Variants in ANKRD24 observed in about 807,000 individuals in gnomAD.
ANKRD24 encodes the protein ankyrin repeat domain 24, also known as ankyrin repeat domain-containing protein 24.
In ANKRD24, 109 loss-of-function variants were observed where a neutral mutation model predicts 127.8. The observed-to-expected ratio is 0.85, with a 90% CI of 0.73 to 1.00. The LOEUF is 1.00. Ranked by LOEUF, ANKRD24 falls within the 50% of genes least tolerant of loss-of-function variation. ANKRD24 has a pLI of 0.00. For missense variants in ANKRD24, 1,648 were observed against 1,570.2 expected (o/e 1.05, Z -0.84); for synonymous variants, 743 against 671.1 (o/e 1.11, Z -1.66).
At position 4,222,710 on chromosome 19, in the gene ANKRD24, C is replaced by T. The variant is rs1970505804; in HGVS notation, c.3212C>T (p.Ala1071Val). 4 of 1,612,338 alleles carry T rather than the reference C, an allele frequency of 2.5e-6. No homozygotes were observed. Among genetic ancestry groups the T allele is most frequent in the South Asian group, 1.1e-5 (1 of 90,820 alleles). Residue 1071 changes from alanine (A) to valine (V), a missense_variant, in exon 20 of 22, where the codon GCC (alanine) becomes GTC (valine). By Grantham distance (64) the Ala-to-Val change is moderately conservative. Coordinates refer to ENST00000318934, the MANE Select transcript of ANKRD24 (RefSeq NM_001393985.1). ...AAAGAAGTCTTCAATCTTAAGGAAG[C>T]CTTGAAGGAGCAGCCGGCCGCCCTC... ...LSKEVFNLKE[A>V]LKEQPAALAT... is the part of the protein sequence containing the mutation.
intron 2 of ANKRD24, 124 bp downstream of exon 2, chr19:4,186,585 C>G (rs1469806546): frequency 1.7e-6 from 2 of 1,148,608 alleles, no homozygotes; most frequent in Non-Finnish European, 2.5e-6. Flanking sequence ...TCTCTGCTGC[C>G]CCCTAGCGTC....
At chr19:4,189,021 G>A (rs958184052) in intron 2 of ANKRD24, among the ~76,000 whole-genome samples, 1 of 150,118 alleles carries the variant, frequency 6.7e-6, no homozygotes, top group African/African-American at 2.5e-5. Flanking sequence ...TGTTGGTCAG[G>A]CTGGTCTCGA....
chr19:4,217,107 A>G lies in ANKRD24; in HGVS notation c.1947A>G (p.Glu649=). The change falls in exon 18 of 22, where the codon GAA becomes GAG. Residue 649 remains glutamate, a synonymous_variant. Coordinates refer to ENST00000318934, the MANE Select transcript of ANKRD24 (RefSeq NM_001393985.1). Reference sequence around the variant, plus strand: ...AGGCCACAAAAACAAAAGCAGAGGAAGCAGAAATGCAGGCCTACGGAGTGG... The same window carrying G: ...AGGCCACAAAAACAAAAGCAGAGGAGGCAGAAATGCAGGCCTACGGAGTGG... ...GVEATKTKAE[E]AEMQAYGVGA... 1.2e-6 allele frequency: 2 copies of G among 1,613,776 alleles called. No individual in the cohort carries two copies. Among genetic ancestry groups the G allele is most frequent in the South Asian group, 2.2e-5 (2 of 91,072 alleles).
chr19:4,200,529 TG>T (rs1212980371), intron 5 of ANKRD24, among the ~76,000 whole-genome samples: 2 of 151,692 alleles, frequency 1.3e-5, no homozygotes, highest in Admixed American at 6.6e-5. Context: ...TTTTCTTTTT[TG>T]GGGGGAGGGA....
intron 2 of ANKRD24, among the ~76,000 whole-genome samples, chr19:4,189,132 A>G (rs955983698): frequency 2.6e-5 from 4 of 151,160 alleles, no homozygotes; most frequent in Admixed American, 6.6e-5. Context: ...TTTTTAAACT[A>G]TTTATTAATT....
rs918436838 is a variant in ANKRD24 at position 4,198,271 on chromosome 19, C to T, written c.37-1412C>T. On this transcript the variant is annotated intron_variant, in intron 2 of 21. Coordinates refer to ENST00000318934, the MANE Select transcript of ANKRD24 (RefSeq NM_001393985.1). This position sits in a 1 kb window ranked among gnomAD's most constrained non-coding sequence, Gnocchi z 6.1. ...TCAGCCCCCAGCCCCCAGCCCCCTA[C>T]CTGGGTCTTCCCATTCCATCCCGTG... is the stretch of plus-strand genomic sequence containing the variant. The T allele has an allele frequency of 4.5e-6, 2 of 448,346 alleles. No homozygotes were observed. 27.8% of individuals were successfully genotyped at this position (448,346 alleles called of 1,614,324 possible). A position where few individuals can be genotyped will look rare whatever the true frequency, so the allele number is the denominator to read the frequency against.
chr19:4,217,036 C>T lies in ANKRD24; in HGVS notation c.1876C>T (p.Gln626Ter), dbSNP rs2145393325. 1 of 1,613,832 alleles carries T rather than the reference C, an allele frequency of 6.2e-7. No individual in the cohort carries two copies. Among genetic ancestry groups the T allele is most frequent in the Non-Finnish European group, 8.5e-7 (1 of 1,179,862 alleles). ...CATGGAAACTAAGCCCACAGGAGCT[C>T]AGGCCACAGACACAGAGACCACGGG... ...ANMETKPTGA[Q>*]ATDTETTGVE... Residue 626 changes from glutamine to a stop codon, truncating the protein, a stop_gained, in exon 18 of 22, where the codon CAG (glutamine) becomes TAG (stop). Transcript: ENST00000318934. LOFTEE classifies it high-confidence loss of function.
rs1970640257 is a variant in ANKRD24 at position 4,224,615 on chromosome 19, C to T, written c.*110C>T. ...TGGCTTCACTTGGCCCTATCCAGGC[C>T]CATGCACTTGGAGACCAGCCTGGTT... is the stretch of plus-strand genomic sequence containing the variant. On this transcript the variant is annotated 3_prime_UTR_variant, in exon 22 of 22. Coordinates refer to ENST00000318934, the MANE Select transcript of ANKRD24 (RefSeq NM_001393985.1). The T allele has an allele frequency of 2.8e-6, 3 of 1,083,352 alleles. No individual in the cohort carries two copies. Among genetic ancestry groups the T allele is most frequent in the Non-Finnish European group, 4.1e-6 (3 of 740,486 alleles). The allele number at this position is 1,083,352 out of a possible 1,614,324, so 67.1% of individuals were successfully genotyped here. A position where few individuals can be genotyped will look rare whatever the true frequency, so the allele number is the denominator to read the frequency against.
chr19:4,185,864 G>A (rs1052464147), intron 1 of ANKRD24, among the ~76,000 whole-genome samples: 1 of 152,206 alleles, frequency 6.6e-6, no homozygotes, highest in African/African-American at 2.4e-5. Context: ...CAGAGACCCA[G>A]CCAGGGTAGG....
At chr19:4,219,084 G>A (rs759909488) in intron 18 of ANKRD24, among the ~76,000 whole-genome samples, 5 of 152,158 alleles carry the variant, frequency 3.3e-5, no homozygotes, top group South Asian at 2.1e-4. Context: ...TCACAAGTTC[G>A]AGACCAGCCT....
intron 13 of ANKRD24, among the ~76,000 whole-genome samples, chr19:4,212,062 T>C (rs367631554): frequency 8.7e-4 from 132 of 152,042 alleles, no homozygotes; most frequent in African/African-American, 3.1e-3. Context: ...TAGCCGGGCC[T>C]GTTGGCGGGC....
Position 4,224,048 on chromosome 19 carries a change from C to G in ANKRD24, c.3298-79C>G, listed in dbSNP as rs977140650. 15 of 1,193,158 alleles carry G rather than the reference C, an allele frequency of 1.3e-5. No homozygotes were observed. The African/African-American group carries it at 2.1e-4, about 17-fold the overall frequency. The allele number at this position is 1,193,158 out of a possible 1,614,324, so 73.9% of individuals were successfully genotyped here. A position where few individuals can be genotyped will look rare whatever the true frequency, so the allele number is the denominator to read the frequency against. On this transcript the variant is annotated intron_variant, in intron 20 of 21. Coordinates refer to ENST00000318934, the MANE Select transcript of ANKRD24 (RefSeq NM_001393985.1). ...GCCATCAACGTACAGGCTTGGGGTG[C>G]AAAGGGTGCTTTTTGGTGTGTTTTG...
Position 4,207,771 on chromosome 19 carries a change from C to G in ANKRD24, c.645-10C>G. ...GTTCTCATCTCCTCAGTAGCCCCCTCCCCTGGTAGGACGGCCCTGATGCTG... is the reference window on the plus strand; with the variant it reads ...GTTCTCATCTCCTCAGTAGCCCCCTGCCCTGGTAGGACGGCCCTGATGCTG... On this transcript the variant is annotated splice_polypyrimidine_tract_variant and intron_variant, in intron 9 of 21. Coordinates refer to ENST00000318934, the MANE Select transcript of ANKRD24 (RefSeq NM_001393985.1). 1.8e-5 allele frequency: 29 copies of G among 1,568,174 alleles called. No individual in the cohort carries two copies. Among genetic ancestry groups the G allele is most frequent in the Non-Finnish European group, 2.5e-5 (29 of 1,155,808 alleles).
chr19:4,183,403 A>G (rs929475831), intron 1 of ANKRD24: 3 of 943,490 alleles, frequency 3.2e-6, no homozygotes, highest in Non-Finnish European at 3.8e-6. Flanking sequence ...CCTACTTTGT[A>G]CTGGGCACAC....
Position 4,216,586 on chromosome 19 carries a change from G to A in ANKRD24, c.1426G>A (p.Glu476Lys). 6.2e-7 allele frequency: 1 copy of A among 1,612,006 alleles called. No individual in the cohort carries two copies. The highest frequency in any genetic ancestry group is 8.5e-7 in the Non-Finnish European group (1 of 1,179,076). The change falls in exon 18 of 22, where the codon GAA (glutamate) becomes AAA (lysine). Residue 476 changes from glutamate (E) to lysine (K), a missense_variant. By Grantham distance (56) the Glu-to-Lys change is moderately conservative (BLOSUM62 1). Transcript: ENST00000318934. ...ENFEKDETQM[E>K]VEALAEVIPL... ...CTTTGAGAAGGACGAGACACAGATG[G>A]AAGTGGAAGCTTTGGCAGAGGTCAT...
rs1968969989 is a variant in ANKRD24 at position 4,199,661 on chromosome 19, C to G, written c.37-22C>G. The G allele has an allele frequency of 2.0e-6, 3 of 1,518,506 alleles. No individual in the cohort carries two copies. The highest frequency in any genetic ancestry group is 2.6e-6 in the Non-Finnish European group (3 of 1,137,872). 94.1% of individuals were successfully genotyped at this position (1,518,506 alleles called of 1,614,324 possible). ...GGACACTGTCTGAGGACCCCCTCGC[C>G]CAGGACCACCTCCCCCTGCAGCTGC... On this transcript the variant is annotated intron_variant, in intron 2 of 21. Coordinates refer to ENST00000318934, the MANE Select transcript of ANKRD24 (RefSeq NM_001393985.1). The surrounding 1 kb of genome is among the most constrained non-coding windows in gnomAD (Gnocchi z 5.2).
chr19:4,198,088 C>T lies in ANKRD24; in HGVS notation c.37-1595C>T. On this transcript the variant is annotated intron_variant, in intron 2 of 21. Coordinates refer to ENST00000318934, the MANE Select transcript of ANKRD24 (RefSeq NM_001393985.1). The surrounding 1 kb of genome is among the most constrained non-coding windows in gnomAD (Gnocchi z 6.1). ...TCGCGGGCCCGGAGGCACCTGCGCG[C>T]CCTTGGCCGACTCGGAGGAGGTGGA... 2.2e-6 allele frequency: 1 copy of T among 458,514 alleles called. No individual in the cohort carries two copies. The highest frequency in any genetic ancestry group is 3.9e-6 in the Non-Finnish European group (1 of 257,070). 28.4% of individuals were successfully genotyped at this position (458,514 alleles called of 1,614,324 possible).
chr19:4,213,231 TTCCC>T (rs140927066), intron 15 of ANKRD24, among the ~76,000 whole-genome samples: 3 of 94,052 alleles, frequency 3.2e-5, no homozygotes, highest in Admixed American at 2.4e-4. Flanking sequence ...CCTTCCTTCC[TTCCC>T]TCCCTCCTTC....
At chr19:4,219,480 TA>T (rs927765333) in intron 18 of ANKRD24, 110 bp from the exon 19 acceptor site, 28 of 1,332,878 alleles carry the variant, frequency 2.1e-5, no homozygotes, top group South Asian at 3.0e-5. Context: ...GACCCTGTCT[TA>T]AAAAAAATCC....
Sources: gnomAD v4.1 joint callset for allele counts (sites outside exome capture counted in the v4.1 genomes callset) on GRCh38, gnomAD v4.1.1 for gene constraint, Gnocchi (gnomAD v3.1) non-coding constraint, MANE v1.5 for transcripts, NCBI Gene and HGNC (gene_info 2026-07-23, HGNC 2026-07-21) for gene names.